SUGCT: variants seen among roughly 807,000 people sequenced by gnomAD.
SUGCT encodes the protein succinyl-CoA:glutarate CoA-transferase.
A neutral mutation model predicts 55.0 loss-of-function variants in SUGCT; 41 were observed. The observed-to-expected ratio is 0.74, with a 90% CI of 0.58 to 0.97. SUGCT has a LOEUF of 0.97. SUGCT is among the 50% of genes least tolerant of loss of function. SUGCT has a pLI of 0.00. For missense variants in SUGCT, 568 were observed against 547.8 expected (o/e 1.04, Z -0.37); for synonymous variants, 187 against 200.4 (o/e 0.93, Z 0.56).
chr7:40,173,569 G>A (rs1449928412), intron 1 of SUGCT, among the ~76,000 whole-genome samples: 1 of 152,186 alleles, frequency 6.6e-6, no homozygotes, highest in Non-Finnish European at 1.5e-5. Context: ...GTGCTTTCAG[G>A]TGATATATGA....
chr7:40,763,857 A>C (rs990086393), intron 13 of SUGCT, among the ~76,000 whole-genome samples: 2 of 152,088 alleles, frequency 1.3e-5, no homozygotes, highest in South Asian at 2.1e-4. Context: ...CTTTCTGAGC[A>C]CTTCATTGTT....
intron 12 of SUGCT, among the ~76,000 whole-genome samples, chr7:40,509,566 A>AT (rs1220944880): frequency 5.3e-5 from 8 of 151,672 alleles, no homozygotes; most frequent in African/African-American, 9.7e-5. Flanking sequence ...GAACAAAATA[A>AT]TTTTTTTTTA....
chr7:40,559,906 G>A (rs1408255302), intron 12 of SUGCT, among the ~76,000 whole-genome samples: 8 of 152,204 alleles, frequency 5.3e-5, no homozygotes, highest in Admixed American at 3.3e-4. Context: ...AAGACAGTGC[G>A]TAAAGAGGTA....
chr7:40,144,321 G>T (rs1267501660), intron 1 of SUGCT, among the ~76,000 whole-genome samples: 2 of 152,186 alleles, frequency 1.3e-5, no homozygotes, highest in Non-Finnish European at 2.9e-5. Context: ...GTCAGCAATA[G>T]AGCGAGGAAA....
At chr7:40,338,010 C>A (rs913685839) in intron 9 of SUGCT, among the ~76,000 whole-genome samples, 2 of 152,084 alleles carry the variant, frequency 1.3e-5, no homozygotes, top group African/African-American at 4.8e-5. Context: ...ACTTATGAAG[C>A]TTAGTTTGGG....
intron 9 of SUGCT, among the ~76,000 whole-genome samples, chr7:40,385,414 T>A (rs1785067995): frequency 1.3e-5 from 2 of 152,104 alleles, no homozygotes; most frequent in Admixed American, 6.6e-5. Flanking sequence ...AAGATTTAAG[T>A]GAGATGAGTA....
rs1051540381 is a variant in SUGCT at position 40,225,588 on chromosome 7, AC to A, written c.485-12045del. The stretch of plus-strand genomic sequence containing the variant: ...GTAGCTGGGATTACAGGTGCATGCC[AC>A]CACGCTCAGCTAGTTTTTGTATTTT... On this transcript the variant is annotated intron_variant, in intron 6 of 13. Transcript: ENST00000335693. Among the ~76,000 whole-genome samples, 39 of 151,836 alleles carry A rather than the reference AC, an allele frequency of 2.6e-4. 2 individuals are homozygous for A. The highest frequency in any genetic ancestry group is 4.4e-5 in the Non-Finnish European group (3 of 67,990).
chr7:40,135,079 GGGGC>G lies in SUGCT; in HGVS notation c.62_65del (p.Gly21AlafsTer14). On this transcript the variant is annotated frameshift_variant, in exon 1 of 14. Coordinates refer to ENST00000335693, the MANE Select transcript of SUGCT (RefSeq NM_001193313.2). LOFTEE classifies it high-confidence loss of function. ...CGCAGAACCTGCCTCTTCTCCGGCC[GGGGC>G]GGCGGGAGGGGGCTGTGGACTGGCC... 6.4e-7 allele frequency: 1 copy of G among 1,559,862 alleles called. No individual in the cohort carries two copies. Among genetic ancestry groups the G allele is most frequent in the Non-Finnish European group, 8.7e-7 (1 of 1,153,134 alleles).
intron 13 of SUGCT, among the ~76,000 whole-genome samples, chr7:40,761,535 T>C (rs1788533870): frequency 6.6e-6 from 1 of 152,214 alleles, no homozygotes; most frequent in South Asian, 2.1e-4. Context: ...CAAACAACTT[T>C]GGGAAACCTG....
chr7:40,926,468 G>A, the SUGCT span, among the ~76,000 whole-genome samples: 1 of 151,794 alleles, frequency 6.6e-6, no homozygotes, highest in Non-Finnish European at 1.5e-5. Context: ...TAAAAACTTA[G>A]AATAAAGTAA....
intron 12 of SUGCT, among the ~76,000 whole-genome samples, chr7:40,726,223 T>C (rs1040916150): frequency 6.6e-6 from 1 of 152,164 alleles, no homozygotes; most frequent in African/African-American, 2.4e-5. Context: ...ACTGGAAGCC[T>C]TACCAATAAC....
At chr7:40,834,600 G>A (rs1355933220) in intron 13 of SUGCT, among the ~76,000 whole-genome samples, 1 of 152,094 alleles carries the variant, frequency 6.6e-6, no homozygotes, top group South Asian at 2.1e-4. Flanking sequence ...TAAGGAAAAA[G>A]ATAAACCTCC....
intron 9 of SUGCT, among the ~76,000 whole-genome samples, chr7:40,413,436 C>T (rs1786801499): frequency 6.6e-6 from 1 of 152,000 alleles, no homozygotes; most frequent in South Asian, 2.1e-4. Flanking sequence ...AAAATAAACT[C>T]CAGATGGATT....
intron 13 of SUGCT, among the ~76,000 whole-genome samples, chr7:40,847,407 C>CTTTTTTTTTTTTTTTTTTTTTTTT (rs1338885686): frequency 7.6e-5 from 9 of 117,876 alleles, no homozygotes; most frequent in East Asian, 9.9e-4. Flanking sequence ...TCTTTTCTTT[C>CTTTTTTTTTTTTTTTTTTTTTTTT]TTTCTTTTTT....
chr7:40,342,784 A>G (rs899544649), intron 9 of SUGCT, among the ~76,000 whole-genome samples: 8 of 152,086 alleles, frequency 5.3e-5, no homozygotes, highest in African/African-American at 1.9e-4. Context: ...CTGGGATTAC[A>G]GGCGCCTGCC....
At chr7:40,216,805 G>A (rs1360993216) in intron 6 of SUGCT, among the ~76,000 whole-genome samples, 1 of 151,642 alleles carries the variant, frequency 6.6e-6, no homozygotes, top group African/African-American at 2.4e-5. Flanking sequence ...GCAGTGAGCT[G>A]AGAGTGCGCC....
intron 6 of SUGCT, among the ~76,000 whole-genome samples, chr7:40,206,580 A>T (rs1052548610): frequency 6.6e-6 from 1 of 152,224 alleles, no homozygotes; most frequent in Admixed American, 6.5e-5. Context: ...GCAAACGTAC[A>T]GTTAAGTTTA....
At chr7:40,382,015 C>CTG (rs949063743) in intron 9 of SUGCT, among the ~76,000 whole-genome samples, 80 of 146,610 alleles carry the variant, frequency 5.5e-4, no homozygotes, top group East Asian at 1.2e-3. Context: ...GTGTGTGTGT[C>CTG]TGTGTGTGTG....
At chr7:40,936,611 T>C in the SUGCT span, among the ~76,000 whole-genome samples, 2 of 151,914 alleles carry the variant, frequency 1.3e-5, no homozygotes, top group Non-Finnish European at 2.9e-5. Context: ...ATTTAGGTTC[T>C]AATCTGTATT....
Sources: gnomAD v4.1 joint callset for allele counts (sites outside exome capture counted in the v4.1 genomes callset) on GRCh38, gnomAD v4.1.1 for gene constraint, MANE v1.5 for transcripts, NCBI Gene and HGNC (gene_info 2026-07-23, HGNC 2026-07-21) for gene names.